Variants in ZDHHC19 observed in about 807,000 individuals in gnomAD.
ZDHHC19 encodes the protein palmitoyltransferase ZDHHC19.
In ZDHHC19, 30 loss-of-function variants were observed where a neutral mutation model predicts 33.9. The observed-to-expected ratio is 0.88, with a 90% CI of 0.66 to 1.20. The LOEUF is 1.20. ZDHHC19 is among the 50% of genes most tolerant of loss of function. The pLI is 0.00. For missense variants in ZDHHC19, 364 were observed against 401.1 expected, an observed-to-expected ratio of 0.91 and a Z score of 0.79; for synonymous variants, 178 against 167.6, an observed-to-expected ratio of 1.06 and a Z score of -0.48.
intron 2 of ZDHHC19, 67 bp from the exon 3 acceptor site, chr3:196,209,582 A>C (rs1723051739): frequency 5.1e-6 from 8 of 1,554,926 alleles, no homozygotes; most frequent in South Asian, 1.2e-5. Context: ...GGGCAGCTCC[A>C]CGGCATCACA....
chr3:196,207,497 C>A lies in ZDHHC19; in HGVS notation c.588G>T (p.Val196=). ...PFSTDKAIAI[V]VAVSAAGLLV... Reference sequence around the variant, plus strand: ...GGAGGCCCGCGGCGGACACGGCCACCACGATGCTGCGCGGGTTAAGGAACC... The same window carrying A: ...GGAGGCCCGCGGCGGACACGGCCACAACGATGCTGCGCGGGTTAAGGAACC... Residue 196 remains valine, a synonymous_variant, in exon 5 of 8, where the codon GTG becomes GTT. Transcript: ENST00000296326. 3 of 1,558,614 alleles carry A rather than the reference C, an allele frequency of 1.9e-6. No individual in the cohort carries two copies. The highest frequency in any genetic ancestry group is 8.7e-7 in the Non-Finnish European group (1 of 1,152,004).
rs1318041214 is a variant in ZDHHC19, at chr3:196,197,503, C to T, written c.*242G>A. 1 of 152,360 alleles carries T rather than the reference C, an allele frequency of 6.6e-6. No individual in the cohort carries two copies. The highest frequency in any genetic ancestry group is 2.4e-5 in the African/African-American group (1 of 41,412). 9.4% of individuals were successfully genotyped at this position (152,360 alleles called of 1,614,324 possible). A position where few individuals can be genotyped will look rare whatever the true frequency, so the allele number is the denominator to read the frequency against. ...GGCATTGAGGGTCTTGGCAGTCCCA[C>T]CAGGGGAGTGGGCAAAGGGCAAGGC... is the stretch of plus-strand genomic sequence containing the variant. On this transcript the variant is annotated 3_prime_UTR_variant, in exon 8 of 8. Transcript: ENST00000296326. This position sits in a 1 kb window ranked among gnomAD's most constrained non-coding sequence, Gnocchi z 4.4.
chr3:196,201,141 T>C (rs1357761183), intron 5 of ZDHHC19, among the ~76,000 whole-genome samples: 2 of 151,528 alleles, frequency 1.3e-5, no homozygotes, highest in South Asian at 2.1e-4. Context: ...GGCACGATCT[T>C]GGCTCACTGC....
intron 5 of ZDHHC19, among the ~76,000 whole-genome samples, chr3:196,200,913 G>T (rs565423603): frequency 6.6e-6 from 1 of 151,684 alleles, no homozygotes; most frequent in Non-Finnish European, 1.5e-5. Context: ...GCCTTTCAAA[G>T]GGCTGGGATT....
chr3:196,198,999 G>A (rs1017520103), intron 5 of ZDHHC19, 125 bp from the exon 6 acceptor site: 2 of 913,538 alleles, frequency 2.2e-6, no homozygotes, highest in East Asian at 2.5e-5. Context: ...GCAAGCTGGA[G>A]GCCAGGAGAC....
intron 5 of ZDHHC19, among the ~76,000 whole-genome samples, chr3:196,201,699 C>T (rs1330740614): frequency 6.6e-6 from 1 of 151,930 alleles, no homozygotes; most frequent in Non-Finnish European, 1.5e-5. Flanking sequence ...CCAGCCTGGA[C>T]GACAGAGTGA....
At position 196,198,850 on chromosome 3, in the gene ZDHHC19, G is replaced by T; in HGVS notation, c.712C>A (p.Pro238Thr). The T allele has an allele frequency of 6.2e-7, 1 of 1,614,056 alleles. No individual in the cohort carries two copies. The highest frequency in any genetic ancestry group is 1.1e-5 in the South Asian group (1 of 91,066). Reference protein sequence around the residue: ...GKCRHLQGYNPFDQGCASNWY... With the variant: ...GKCRHLQGYNTFDQGCASNWY... ...TTGCTGGCACAGCCCTGGTCGAAGG[G>T]GTTGTATCCCTGAAGGTGTCTGCAC... is the stretch of plus-strand genomic sequence containing the variant. Residue 238 changes from proline to threonine, a missense_variant, in exon 6 of 8, where the codon CCC (proline) becomes ACC (threonine). By Grantham distance (38) the Pro-to-Thr change is conservative. Coordinates refer to ENST00000296326, the MANE Select transcript of ZDHHC19 (RefSeq NM_001039617.2).
chr3:196,204,246 G>A (rs1248858791), intron 5 of ZDHHC19, among the ~76,000 whole-genome samples: 2 of 152,004 alleles, frequency 1.3e-5, no homozygotes, highest in Non-Finnish European at 2.9e-5. Flanking sequence ...TTATAATAAT[G>A]AACAAATGGA....
chr3:196,205,650 C>T (rs111930524), intron 5 of ZDHHC19, among the ~76,000 whole-genome samples: 6,327 of 152,126 alleles, frequency 0.042, 418 homozygotes, highest in African/African-American at 0.14. Context: ...GCTCAATAAA[C>T]GACTTTTTGT....
Position 196,203,550 on chromosome 3 carries a change from G to A in ZDHHC19, c.687+3848C>T, listed in dbSNP as rs1259026745. ...ATGGAGGAGGAAGGGAATGAGATTTGGGGCATGTGAAGAAGGCCTGAGGCA... is the reference window on the plus strand; with the variant it reads ...ATGGAGGAGGAAGGGAATGAGATTTAGGGCATGTGAAGAAGGCCTGAGGCA... On this transcript the variant is annotated intron_variant, in intron 5 of 7. Coordinates refer to ENST00000296326, the MANE Select transcript of ZDHHC19 (RefSeq NM_001039617.2). The surrounding 1 kb of genome is among the most constrained non-coding windows in gnomAD (Gnocchi z 4.3). Among the ~76,000 whole-genome samples the A allele has an allele frequency of 6.6e-6, 1 of 152,182 alleles. No homozygotes were observed. Among genetic ancestry groups the A allele is most frequent in the Non-Finnish European group, 1.5e-5 (1 of 68,034 alleles).
Position 196,197,910 on chromosome 3 carries a change from G to A in ZDHHC19, c.*20-185C>T, listed in dbSNP as rs79530038. Among the ~76,000 whole-genome samples, 4,006 of 152,176 alleles carry A rather than the reference G, an allele frequency of 0.026. 160 individuals are homozygous for A. The highest frequency in any genetic ancestry group is 0.09 in the African/African-American group (3,721 of 41,496). On this transcript the variant is annotated intron_variant, in intron 7 of 7. Coordinates refer to ENST00000296326, the MANE Select transcript of ZDHHC19 (RefSeq NM_001039617.2). The surrounding 1 kb of genome is among the most constrained non-coding windows in gnomAD (Gnocchi z 4.4). ...TGATGCTCCACCTCCATGTCTCACG[G>A]GGCTTCGAGTCAATGTTTCCTTTAA...
At position 196,198,821 on chromosome 3, in the gene ZDHHC19, C is replaced by A. The variant is rs1560128237; in HGVS notation, c.741G>T (p.Trp247Cys). The A allele has an allele frequency of 5.0e-6, 8 of 1,613,998 alleles. No homozygotes were observed. The highest frequency in any genetic ancestry group is 1.1e-5 in the South Asian group (1 of 91,074). The change falls in exon 6 of 8, where the codon TGG (tryptophan) becomes TGT (cysteine). Residue 247 changes from tryptophan to cysteine, a missense_variant. Physicochemically the swap from Trp to Cys is radical, Grantham distance 215. Transcript: ENST00000296326. Reference protein sequence around the residue: ...NPFDQGCASNWYLTICAPLGP... With the variant: ...NPFDQGCASNCYLTICAPLGP... ...CCAGTGGTGCACAAATTGTTAAATA[C>A]CAGTTGCTGGCACAGCCCTGGTCGA...
chr3:196,209,514 G>A lies in ZDHHC19; in HGVS notation c.270C>T (p.Gly90=). ...NFSDPGILHQ[G]SAEQGPLTVH... is the part of the protein sequence containing the mutation. Reference sequence around the variant, plus strand: ...CCGTCAAGGGGCCCTGCTCAGCGGAGCCTGGCGTGGGAAGAGGATTGGGCA... The same window carrying A: ...CCGTCAAGGGGCCCTGCTCAGCGGAACCTGGCGTGGGAAGAGGATTGGGCA... The change falls in exon 3 of 8, where the codon GGC becomes GGT. Residue 90 remains glycine (G), a splice_region_variant and synonymous_variant. Coordinates refer to ENST00000296326, the MANE Select transcript of ZDHHC19 (RefSeq NM_001039617.2). The A allele has an allele frequency of 1.9e-6, 3 of 1,612,562 alleles. No homozygotes were observed. Among genetic ancestry groups the A allele is most frequent in the Non-Finnish European group, 1.7e-6 (2 of 1,179,660 alleles).
rs757823277 is a variant in ZDHHC19 at position 196,210,614 on chromosome 3, AC to A, written c.268+1del. 3 of 1,613,932 alleles carry A rather than the reference AC, an allele frequency of 1.9e-6. No individual in the cohort carries two copies. The highest frequency in any genetic ancestry group is 2.5e-6 in the Non-Finnish European group (3 of 1,179,914). On this transcript the variant is annotated splice_donor_variant, in intron 2 of 7. Coordinates refer to ENST00000296326, the MANE Select transcript of ZDHHC19 (RefSeq NM_001039617.2). LOFTEE classifies it high-confidence loss of function. ...CCTTTTCCCAGGGGGCTGATGCCTC[AC>A]CTTGATGTAAGATGCCAGGGTCTGA... is the stretch of plus-strand genomic sequence containing the variant.
Position 196,206,458 on chromosome 3 carries a change from T to G in ZDHHC19, c.687+940A>C, listed in dbSNP as rs1722737048. Among the ~76,000 whole-genome samples, 3 of 151,290 alleles carry G rather than the reference T, an allele frequency of 2.0e-5. No homozygotes were observed. In the South Asian group the frequency reaches 6.3e-4, roughly 32 times the overall value. On this transcript the variant is annotated intron_variant, in intron 5 of 7. Coordinates refer to ENST00000296326, the MANE Select transcript of ZDHHC19 (RefSeq NM_001039617.2). Reference sequence around the variant, plus strand: ...GCCTCCATCTCCCGGGCTCAAACAATCCTCCCACCTCAGCCTCTGGAGTAG... The same window carrying G: ...GCCTCCATCTCCCGGGCTCAAACAAGCCTCCCACCTCAGCCTCTGGAGTAG...
chr3:196,199,219 G>A (rs939891), intron 5 of ZDHHC19: 3 of 281,452 alleles, frequency 1.1e-5, no homozygotes, highest in African/African-American at 2.2e-5. Flanking sequence ...AGGCCAAGTC[G>A]TCCCCTGGGC....
rs752734755 is a variant in ZDHHC19, at chr3:196,207,552, C to A, written c.582-49G>T. On this transcript the variant is annotated intron_variant, in intron 4 of 7. Transcript: ENST00000296326. ...TGCGGGACCCCCACGCCTGGCCCCG[C>A]CCCCCAGGCCCGACTCCGCCCCGAG... is the stretch of plus-strand genomic sequence containing the variant. The A allele has an allele frequency of 1.7e-5, 24 of 1,386,460 alleles. No individual in the cohort carries two copies. In the African/African-American group the frequency reaches 3.5e-4, roughly 20 times the overall value. The allele number at this position is 1,386,460 out of a possible 1,614,324, so 85.9% of individuals were successfully genotyped here. A position where few individuals can be genotyped will look rare whatever the true frequency, so the allele number is the denominator to read the frequency against.
intron 5 of ZDHHC19, among the ~76,000 whole-genome samples, chr3:196,201,520 C>T (rs1038514906): frequency 1.3e-5 from 2 of 151,704 alleles, no homozygotes; most frequent in Non-Finnish European, 2.9e-5. Flanking sequence ...GCCAGGAGTT[C>T]GAGACCAGCC....
intron 5 of ZDHHC19, among the ~76,000 whole-genome samples, chr3:196,200,988 G>T (rs1469157617): frequency 6.6e-6 from 1 of 151,596 alleles, no homozygotes; most frequent in Non-Finnish European, 1.5e-5. Context: ...TGTATATAAG[G>T]TATAGAAAAA....
Sources: gnomAD v4.1 joint callset for allele counts (sites outside exome capture counted in the v4.1 genomes callset) on GRCh38, gnomAD v4.1.1 for gene constraint, Gnocchi (gnomAD v3.1) non-coding constraint, MANE v1.5 for transcripts, NCBI Gene and HGNC (gene_info 2026-07-23, HGNC 2026-07-21) for gene names.